The following STX12 variants were observed in gnomAD, a reference collection of about 807,000 sequenced individuals.
STX12 encodes the protein syntaxin 12.
STX12 carries 17 observed loss-of-function variants against 42.2 expected under a neutral mutation model. The ratio of observed to expected loss-of-function variants is 0.40; its 90% CI spans 0.28 to 0.60. STX12 has a LOEUF of 0.60. Among genes scored for constraint, STX12 ranks in the 20% least tolerant of loss-of-function variants. The probability of loss-of-function intolerance (pLI) is 0.39; values close to 1 mark genes in which losing one functional copy is unlikely to be tolerated. For missense variants in STX12, 297 were observed against 330.9 expected, an observed-to-expected ratio of 0.90 and a Z score of 0.79; for synonymous variants, 108 against 116.7, an observed-to-expected ratio of 0.93 and a Z score of 0.48.
intron 4 of STX12, chr1:27,802,053 G>C: frequency 3.5e-6 from 1 of 288,426 alleles, no homozygotes; most frequent in South Asian, 9.6e-5. Flanking sequence ...TTTTCATTTT[G>C]ATATATTGGT....
chr1:27,811,796 G>C (rs1009619957), intron 5 of STX12, among the ~76,000 whole-genome samples: 3 of 152,156 alleles, frequency 2.0e-5, no homozygotes, highest in Non-Finnish European at 4.4e-5. Flanking sequence ...TGCACTTTGA[G>C]AGTGCCCTGG....
intron 6 of STX12, among the ~76,000 whole-genome samples, chr1:27,816,102 G>A (rs1475637737): frequency 6.6e-6 from 1 of 151,954 alleles, no homozygotes; most frequent in Non-Finnish European, 1.5e-5. Context: ...GATCACCTGA[G>A]GTCAGGAGTT....
chr1:27,781,810 A>G (rs1293161973), intron 1 of STX12, among the ~76,000 whole-genome samples: 1 of 152,178 alleles, frequency 6.6e-6, no homozygotes, highest in Non-Finnish European at 1.5e-5. Context: ...AACAATGCAT[A>G]TATAGTTGGC....
intron 1 of STX12, 148 bp from the exon 2 acceptor site, chr1:27,789,414 G>GTCAAGGT: frequency 2.1e-6 from 1 of 474,136 alleles, no homozygotes; most frequent in South Asian, 2.9e-5. Context: ...GAATGTGTGT[G>GTCAAGGT]TCAAGGTTTT....
chr1:27,777,190 C>A, intron 1 of STX12, among the ~76,000 whole-genome samples: 1 of 152,022 alleles, frequency 6.6e-6, no homozygotes, highest in Non-Finnish European at 1.5e-5. Flanking sequence ...GGTAGAGAGT[C>A]AGGGAAGAGG....
At chr1:27,819,270 TAAA>T (rs1193228798) in intron 7 of STX12, among the ~76,000 whole-genome samples, 5 of 114,252 alleles carry the variant, frequency 4.4e-5, no homozygotes, top group Admixed American at 9.1e-5. Context: ...TCCCGTCTCT[TAAA>T]AAAAAAAAAA....
chr1:27,819,285 A>C (rs1001550823), intron 7 of STX12, among the ~76,000 whole-genome samples: 1 of 151,642 alleles, frequency 6.6e-6, no homozygotes, highest in African/African-American at 2.4e-5. Context: ...AAAAAAAAAA[A>C]AAAAAGGTAG....
chr1:27,811,934 C>A (rs1221440076), intron 5 of STX12: 3 of 610,446 alleles, frequency 4.9e-6, no homozygotes, highest in Non-Finnish European at 9.4e-6. Flanking sequence ...CGTCATAATT[C>A]TGCCACATGT....
At chr1:27,802,960 G>T (rs1386861982) in intron 4 of STX12, among the ~76,000 whole-genome samples, 1 of 152,066 alleles carries the variant, frequency 6.6e-6, no homozygotes, top group Non-Finnish European at 1.5e-5. Context: ...ATATAATATA[G>T]AAATTTAAAA....
chr1:27,802,976 G>A (rs919969291), intron 4 of STX12, among the ~76,000 whole-genome samples: 2 of 152,146 alleles, frequency 1.3e-5, no homozygotes, highest in Non-Finnish European at 2.9e-5. Context: ...TAAAAACTTA[G>A]TGGATGGGTG....
intron 3 of STX12, among the ~76,000 whole-genome samples, chr1:27,799,746 G>A (rs1421352168): frequency 6.6e-6 from 1 of 151,050 alleles, no homozygotes. Flanking sequence ...CCTCCCAATA[G>A]CTTGGCGTTT....
At chr1:27,789,187 A>G (rs2088720995) in intron 1 of STX12, among the ~76,000 whole-genome samples, 1 of 152,194 alleles carries the variant, frequency 6.6e-6, no homozygotes, top group African/African-American at 2.4e-5. Context: ...AATGTTTGCT[A>G]TAGAAAAATT....
At chr1:27,778,177 T>C (rs1355206987) in intron 1 of STX12, among the ~76,000 whole-genome samples, 2 of 152,208 alleles carry the variant, frequency 1.3e-5, no homozygotes, top group African/African-American at 4.8e-5. Flanking sequence ...GGGGTTGGAA[T>C]TGCTGAGCAC....
At chr1:27,793,445 G>A (rs1466974951) in intron 2 of STX12, 88 bp from the exon 3 acceptor site, 12 of 1,106,616 alleles carry the variant, frequency 1.1e-5, no homozygotes, top group South Asian at 2.7e-5. Flanking sequence ...CATTCCCTAC[G>A]TTATGAGACA....
intron 1 of STX12, chr1:27,773,795 C>G (rs1258062873): frequency 4.3e-6 from 1 of 234,346 alleles, no homozygotes; most frequent in Non-Finnish European, 8.8e-6. Flanking sequence ...TCCTCCCCAC[C>G]CACCTCGCTT....
intron 8 of STX12, among the ~76,000 whole-genome samples, chr1:27,821,574 CA>C (rs746637918): frequency 3.1e-4 from 46 of 149,824 alleles, no homozygotes; most frequent in Non-Finnish European, 6.5e-4. Context: ...TTTTTTTTTA[CA>C]ATGAACATAA....
chr1:27,802,463 A>G (rs1181432389), intron 4 of STX12, among the ~76,000 whole-genome samples: 2 of 152,234 alleles, frequency 1.3e-5, no homozygotes, highest in Non-Finnish European at 2.9e-5. Flanking sequence ...CCCCCGGCAG[A>G]TTACAGAAAG....
intron 7 of STX12, among the ~76,000 whole-genome samples, chr1:27,818,741 T>C (rs1175587752): frequency 6.6e-6 from 1 of 151,926 alleles, no homozygotes; most frequent in East Asian, 2.0e-4. Flanking sequence ...ACAATTCTGC[T>C]GCCTCAGCCT....
intron 1 of STX12, among the ~76,000 whole-genome samples, chr1:27,784,428 C>G (rs2088687457): frequency 6.6e-6 from 1 of 152,078 alleles, no homozygotes; most frequent in Non-Finnish European, 1.5e-5. Flanking sequence ...CTATGTTGCC[C>G]AGGCTGGTCT....
Sources: gnomAD v4.1 joint callset for allele counts (sites outside exome capture counted in the v4.1 genomes callset) on GRCh38, gnomAD v4.1.1 for gene constraint, MANE v1.5 for transcripts, NCBI Gene and HGNC (gene_info 2026-07-23, HGNC 2026-07-21) for gene names.